Variants in PGS1 observed in about 807,000 individuals in gnomAD.
PGS1 encodes CDP-diacylglycerol--glycerol-3-phosphate 3-phosphatidyltransferase, mitochondrial.
In PGS1, 44 loss-of-function variants were observed where a neutral mutation model predicts 58.3. That is an observed-to-expected ratio of 0.75 (90% confidence interval 0.59 to 0.97). The LOEUF (loss-of-function observed/expected upper bound fraction) is 0.97. PGS1 is among the 50% of genes least tolerant of loss of function. The probability of loss-of-function intolerance (pLI) is 0.00; values close to 1 mark genes in which losing one functional copy is unlikely to be tolerated. For missense variants in PGS1, 684 were observed against 731.1 expected (o/e 0.94, Z 0.74); for synonymous variants, 330 against 311.0 (o/e 1.06, Z -0.64).
intron 9 of PGS1, 180 bp downstream of exon 9, chr17:78,419,855 A>G: frequency 7.3e-7 from 1 of 1,371,356 alleles, no homozygotes; most frequent in Non-Finnish European, 9.5e-7. Context: ...TGGATGCTAA[A>G]TTAGGCAGTC....
intron 7 of PGS1, among the ~76,000 whole-genome samples, chr17:78,409,854 T>C (rs2084479906): frequency 6.6e-6 from 1 of 152,246 alleles, no homozygotes; most frequent in South Asian, 2.1e-4. Flanking sequence ...CTCACACCTA[T>C]AATCCCAGCA....
chr17:78,385,411 C>T (rs1265889394), intron 1 of PGS1, among the ~76,000 whole-genome samples: 2 of 152,178 alleles, frequency 1.3e-5, no homozygotes, highest in Non-Finnish European at 2.9e-5. Flanking sequence ...GCCTCAGCCT[C>T]CCGAGTAGCT....
chr17:78,392,071 G>A, intron 1 of PGS1, among the ~76,000 whole-genome samples: 1 of 152,224 alleles, frequency 6.6e-6, no homozygotes. Flanking sequence ...GTGTCTTTTA[G>A]TGGTGGCTGC....
chr17:78,410,622 C>T (rs953764485), intron 7 of PGS1, among the ~76,000 whole-genome samples: 1 of 151,796 alleles, frequency 6.6e-6, no homozygotes, highest in Non-Finnish European at 1.5e-5. Flanking sequence ...TACAGGCACG[C>T]ACCAGAATGC....
chr17:78,394,455 C>T (rs2083073415), intron 2 of PGS1, among the ~76,000 whole-genome samples: 1 of 152,172 alleles, frequency 6.6e-6, no homozygotes, highest in African/African-American at 2.4e-5. Flanking sequence ...CCCTGCTCTG[C>T]TCACCTGTCC....
At chr17:78,408,933 C>A (rs2084388997) in intron 7 of PGS1, among the ~76,000 whole-genome samples, 1 of 152,174 alleles carries the variant, frequency 6.6e-6, no homozygotes, top group Non-Finnish European at 1.5e-5. Flanking sequence ...AGCTTTCCTT[C>A]CCAAGCCTGG....
intron 1 of PGS1, among the ~76,000 whole-genome samples, chr17:78,380,078 C>T (rs959565651): frequency 2.0e-5 from 3 of 151,902 alleles, no homozygotes; most frequent in African/African-American, 4.8e-5. Flanking sequence ...GTTGGTCAGG[C>T]TGGTCTCTAA....
chr17:78,388,458 C>T (rs529284120), intron 1 of PGS1, among the ~76,000 whole-genome samples: 55 of 152,216 alleles, frequency 3.6e-4, no homozygotes, highest in South Asian at 6.2e-4. Context: ...CTCAATCTCC[C>T]GAGTAGCTGG....
At chr17:78,407,372 C>T (rs761962333) in intron 7 of PGS1, among the ~76,000 whole-genome samples, 22 of 152,160 alleles carry the variant, frequency 1.4e-4, no homozygotes, top group Non-Finnish European at 3.1e-4. Context: ...CTCTTCAGGC[C>T]CATCTTTTGA....
rs865777544 is a variant in PGS1 at position 78,392,642 on chromosome 17, G to A, written c.310G>A (p.Ala104Thr). ...SSHVRVLSSP[A>T]EFFELMKGQI... ...TCACGTTAGGGTGCTTTCTTCCCCG[G>A]CAGAGTTTTTCGAGCTCATGAAGGT... is the stretch of plus-strand genomic sequence containing the variant. Residue 104 changes from alanine (A) to threonine (T), a missense_variant, in exon 2 of 10, where the codon GCA becomes ACA. Coordinates refer to ENST00000262764, the MANE Select transcript of PGS1 (RefSeq NM_024419.5). 1 of 1,613,710 alleles carries A rather than the reference G, an allele frequency of 6.2e-7. No homozygotes were observed. The highest frequency in any genetic ancestry group is 2.2e-5 in the East Asian group (1 of 44,890).
At chr17:78,404,313 G>A (rs1221344597) in intron 7 of PGS1, among the ~76,000 whole-genome samples, 4 of 124,602 alleles carry the variant, frequency 3.2e-5, no homozygotes, top group African/African-American at 1.3e-4. Context: ...TGACAGTCTT[G>A]CTCTGTTTCC....
At chr17:78,389,385 C>T (rs1567945835) in intron 1 of PGS1, among the ~76,000 whole-genome samples, 1 of 151,900 alleles carries the variant, frequency 6.6e-6, no homozygotes, top group Non-Finnish European at 1.5e-5. Context: ...CAGGGTTTCA[C>T]CATATTGGCC....
At chr17:78,410,680 G>A (rs903766850) in intron 7 of PGS1, among the ~76,000 whole-genome samples, 5 of 151,960 alleles carry the variant, frequency 3.3e-5, no homozygotes, top group Admixed American at 6.6e-5. Flanking sequence ...CACCATGATG[G>A]CCAGGCTGGT....
intron 1 of PGS1, among the ~76,000 whole-genome samples, chr17:78,383,408 T>C (rs1363498215): frequency 1.3e-5 from 2 of 152,216 alleles, no homozygotes; most frequent in East Asian, 1.9e-4. Flanking sequence ...GTATTTTTAG[T>C]AGAGACGCGG....
intron 7 of PGS1, among the ~76,000 whole-genome samples, chr17:78,410,279 A>C (rs1022202664): frequency 2.6e-5 from 4 of 151,702 alleles, no homozygotes; most frequent in Non-Finnish European, 5.9e-5. Flanking sequence ...AAATACAAAA[A>C]TTAGCTGGGC....
Position 78,419,612 on chromosome 17 carries a change from C to T in PGS1, c.1618C>T (p.Gln540Ter). 1 of 1,614,120 alleles carries T rather than the reference C, an allele frequency of 6.2e-7. No individual in the cohort carries two copies. The highest frequency in any genetic ancestry group is 8.5e-7 in the Non-Finnish European group (1 of 1,180,000). ...SSATFEQPSR[Q>*]VKLWVKMVTP... ...TGCCACCTTCGAGCAGCCGAGTCGCCAGGTGAAGCTGTGGGTGAAGATGGT... is the reference window on the plus strand; with the variant it reads ...TGCCACCTTCGAGCAGCCGAGTCGCTAGGTGAAGCTGTGGGTGAAGATGGT... The change falls in exon 9 of 10, where the codon CAG becomes TAG. Residue 540 changes from glutamine (Q) to a stop codon, truncating the protein, a stop_gained. Coordinates refer to ENST00000262764, the MANE Select transcript of PGS1 (RefSeq NM_024419.5). LOFTEE classifies it high-confidence loss of function.
At chr17:78,388,452 A>G (rs73999305) in intron 1 of PGS1, among the ~76,000 whole-genome samples, 27,858 of 150,900 alleles carry the variant, frequency 0.18, 3,430 homozygotes, top group African/African-American at 0.36. Context: ...GTCCCCCTCA[A>G]TCTCCCGAGT....
Position 78,399,459 on chromosome 17 carries a change from T to C in PGS1, c.623T>C (p.Ile208Thr). 6.2e-7 allele frequency: 1 copy of C among 1,614,194 alleles called. No individual in the cohort carries two copies. Among genetic ancestry groups the C allele is most frequent in the African/African-American group, 1.3e-5 (1 of 75,078 alleles). The part of the protein sequence containing the change: ...PHLRGLLRLL[I>T]PERFNETIGL... ...CTCCGTGGGCTGCTTCGGCTCCTCATCCCTGAGCGCTTCAACGAGACCATC... is the reference window on the plus strand; with the variant it reads ...CTCCGTGGGCTGCTTCGGCTCCTCACCCCTGAGCGCTTCAACGAGACCATC... Residue 208 changes from isoleucine to threonine, a missense_variant, in exon 5 of 10, where the codon ATC (isoleucine) becomes ACC (threonine). By Grantham distance (89) the Ile-to-Thr change is moderately conservative (BLOSUM62 -1). Coordinates refer to ENST00000262764, the MANE Select transcript of PGS1 (RefSeq NM_024419.5).
intron 1 of PGS1, among the ~76,000 whole-genome samples, chr17:78,387,992 A>G (rs2082534658): frequency 1.3e-5 from 2 of 152,010 alleles, no homozygotes; most frequent in Admixed American, 6.6e-5. Context: ...CTCCTTTTTT[A>G]TGCACCTTCC....
Sources: allele counts gnomAD v4.1 joint callset (sites outside exome capture counted in the v4.1 genomes callset), GRCh38; gene constraint gnomAD v4.1.1; transcripts MANE v1.5; gene names NCBI Gene and HGNC (gene_info 2026-07-23, HGNC 2026-07-21).